Variants in DERA observed in about 807,000 individuals in gnomAD.
DERA encodes 2-deoxy-D-ribose 5-phosphate aldolase.
Under a neutral mutation model 41.1 loss-of-function variants are expected in DERA, and 15 were observed. That is an observed-to-expected ratio of 0.37 (90% CI 0.24 to 0.56). The LOEUF is 0.56. Ranked by LOEUF, DERA falls within the 20% of genes least tolerant of loss-of-function variation. DERA has a pLI of 0.81. For synonymous variants in DERA, 139 were observed against 137.4 expected, an observed-to-expected ratio of 1.01 and a Z score of -0.08; for missense variants, 396 against 403.4, an observed-to-expected ratio of 0.98 and a Z score of 0.16.
Position 16,032,649 on chromosome 12 carries a change from A to T in DERA, c.745A>T (p.Asn249Tyr). The change falls in exon 7 of 9, where the codon AAC becomes TAC. Residue 249 changes from asparagine (N) to tyrosine (Y), a missense_variant. Asn to Tyr is a moderately radical substitution (Grantham distance 143, BLOSUM62 -2). Transcript: ENST00000428559. The part of the protein sequence containing the change: ...AIRDFFWKTG[N>Y]KIGFKPAGGI... ...TAGAGATTTCTTCTGGAAAACTGGAAACAAGGTATATTATTGCCAGCAAAT... is the reference window on the plus strand; with the variant it reads ...TAGAGATTTCTTCTGGAAAACTGGATACAAGGTATATTATTGCCAGCAAAT... 3 of 1,539,730 alleles carry T rather than the reference A, an allele frequency of 1.9e-6. No individual in the cohort carries two copies.
intron 1 of DERA, among the ~76,000 whole-genome samples, chr12:15,917,930 C>T (rs1948212707): frequency 6.6e-6 from 1 of 152,182 alleles, no homozygotes; most frequent in Admixed American, 6.5e-5. Flanking sequence ...AGGCCCTCAG[C>T]TGGCAGAGCT....
At chr12:16,032,750 G>A (rs1015027775) in intron 7 of DERA, 96 bp downstream of exon 7, 20 of 771,276 alleles carry the variant, frequency 2.6e-5, no homozygotes, top group Non-Finnish European at 3.7e-5. Context: ...TGGAGAAGTT[G>A]TGAATGAATT....
intron 5 of DERA, among the ~76,000 whole-genome samples, chr12:15,963,935 G>T (rs1948605933): frequency 6.6e-6 from 1 of 152,086 alleles, no homozygotes; most frequent in African/African-American, 2.4e-5. Flanking sequence ...TGTCAATTAT[G>T]AATTGCTTTT....
At position 15,936,712 on chromosome 12, in the gene DERA, T is replaced by G. The variant is rs1382980850; in HGVS notation, c.32-20224T>G. ...ACTATGTATTTTATTCAGTTGTGTT[T>G]GTCTTCCTTTAGAGCAGAACTCCCT... On this transcript the variant is annotated intron_variant, in intron 1 of 8. Transcript: ENST00000428559. The surrounding 1 kb of genome is among the most constrained non-coding windows in gnomAD (Gnocchi z 4.6). Among the ~76,000 whole-genome samples the G allele has an allele frequency of 1.3e-5, 2 of 152,228 alleles. No individual in the cohort carries two copies. Among genetic ancestry groups the G allele is most frequent in the Non-Finnish European group, 2.9e-5 (2 of 68,028 alleles).
At position 15,938,787 on chromosome 12, in the gene DERA, C is replaced by T. The variant is rs1362285182; in HGVS notation, c.32-18149C>T. ...TAGTAAATATTTTTATAAGACAAAACTTGTCAAATAAGATGTTTCTGTTTA... is the reference window on the plus strand; with the variant it reads ...TAGTAAATATTTTTATAAGACAAAATTTGTCAAATAAGATGTTTCTGTTTA... On this transcript the variant is annotated intron_variant, in intron 1 of 8. Transcript: ENST00000428559. This position sits in a 1 kb window ranked among gnomAD's most constrained non-coding sequence, Gnocchi z 4.1. Among the ~76,000 whole-genome samples, 4 of 152,236 alleles carry T rather than the reference C, an allele frequency of 2.6e-5. No individual in the cohort carries two copies. In the South Asian group the frequency reaches 8.3e-4, roughly 32 times the overall value.
chr12:16,007,280 T>C lies in DERA; in HGVS notation c.637+24844T>C, dbSNP rs1236134329. ...CTCACTGCAACCTCCGCCTCCGGGG[T>C]TCAAGTGATTCTTGTGCCTCAGCCT... is the stretch of plus-strand genomic sequence containing the variant. On this transcript the variant is annotated intron_variant, in intron 6 of 8. Transcript: ENST00000428559. Among the ~76,000 whole-genome samples the C allele has an allele frequency of 2.0e-5, 3 of 149,046 alleles. No individual in the cohort carries two copies. The South Asian group carries it at 6.4e-4, about 32-fold the overall frequency.
chr12:15,974,131 G>A (rs1162085585), intron 5 of DERA, among the ~76,000 whole-genome samples: 1 of 152,074 alleles, frequency 6.6e-6, no homozygotes, highest in East Asian at 1.9e-4. Flanking sequence ...TTGCAGACCT[G>A]TTCACCTGTT....
At position 15,959,402 on chromosome 12, in the gene DERA, G is replaced by T. The variant is rs879448811; in HGVS notation, c.278-427G>T. Among the ~76,000 whole-genome samples the T allele has an allele frequency of 3.3e-5, 5 of 151,956 alleles. No individual in the cohort carries two copies. Among genetic ancestry groups the T allele is most frequent in the Non-Finnish European group, 5.9e-5 (4 of 67,990 alleles). On this transcript the variant is annotated intron_variant, in intron 3 of 8. Coordinates refer to ENST00000428559, the MANE Select transcript of DERA (RefSeq NM_015954.4). The surrounding 1 kb of genome is among the most constrained non-coding windows in gnomAD (Gnocchi z 4.5). ...GGATTAGTTAAATGTCATTTTTGTG[G>T]TACCACCCTCTAAATTGTACTTATA...
chr12:16,018,280 A>G (rs1948997006), intron 6 of DERA, among the ~76,000 whole-genome samples: 1 of 152,188 alleles, frequency 6.6e-6, no homozygotes, highest in African/African-American at 2.4e-5. Context: ...TGAAGCTAGT[A>G]ATTTTATTTT....
At chr12:15,934,849 T>C (rs780557198) in intron 1 of DERA, among the ~76,000 whole-genome samples, 9 of 152,174 alleles carry the variant, frequency 5.9e-5, no homozygotes, top group Non-Finnish European at 1.2e-4. Context: ...AGTACTTAAT[T>C]TCTGAAAAAT....
chr12:15,937,463 T>A (rs1948377017), intron 1 of DERA, among the ~76,000 whole-genome samples: 1 of 152,208 alleles, frequency 6.6e-6, no homozygotes, highest in South Asian at 2.1e-4. Flanking sequence ...AGTAGTATAG[T>A]TCCAGTTTCC....
chr12:15,944,017 TG>T (rs1948428126), intron 1 of DERA, among the ~76,000 whole-genome samples: 1 of 151,850 alleles, frequency 6.6e-6, no homozygotes, highest in African/African-American at 2.4e-5. Flanking sequence ...CTGAGAATGA[TG>T]GTTTCCAGCT....
chr12:15,930,997 A>T (rs1948323665), intron 1 of DERA, among the ~76,000 whole-genome samples: 1 of 152,148 alleles, frequency 6.6e-6, no homozygotes, highest in South Asian at 2.1e-4. Flanking sequence ...AAGTTCCATT[A>T]ATTGTTTCTT....
intron 6 of DERA, among the ~76,000 whole-genome samples, chr12:16,027,644 A>T (rs915810713): frequency 2.6e-5 from 4 of 152,222 alleles, no homozygotes; most frequent in African/African-American, 9.6e-5. Context: ...TAGAGTCTCC[A>T]CAGAGAGTAT....
Position 15,998,473 on chromosome 12 carries a change from A to G in DERA, c.637+16037A>G, listed in dbSNP as rs994873478. On this transcript the variant is annotated intron_variant, in intron 6 of 8. Coordinates refer to ENST00000428559, the MANE Select transcript of DERA (RefSeq NM_015954.4). This position sits in a 1 kb window ranked among gnomAD's most constrained non-coding sequence, Gnocchi z 4.8. ...GCTGAGATTACAGGCATCCACCACC[A>G]TGCCCGGCTAATTTTCTATTTTTAG... is the stretch of plus-strand genomic sequence containing the variant. Among the ~76,000 whole-genome samples, 4 of 152,026 alleles carry G rather than the reference A, an allele frequency of 2.6e-5. No individual in the cohort carries two copies. The highest frequency in any genetic ancestry group is 2.0e-4 in the Admixed American group (3 of 15,268).
intron 1 of DERA, among the ~76,000 whole-genome samples, chr12:15,934,055 T>G (rs963564686): frequency 2.0e-5 from 3 of 152,180 alleles, no homozygotes; most frequent in African/African-American, 7.2e-5. Context: ...GTAAAACAGC[T>G]AATAAAGTGC....
chr12:15,941,166 C>T lies in DERA; in HGVS notation c.32-15770C>T, dbSNP rs974288686. On this transcript the variant is annotated intron_variant, in intron 1 of 8. Transcript: ENST00000428559. The surrounding 1 kb of genome is among the most constrained non-coding windows in gnomAD (Gnocchi z 4.5). The stretch of plus-strand genomic sequence containing the variant: ...CTCTGCAAGGAACCTAGTGATTTCC[C>T]GTACATATTTCATGTTCACCTAATC... 2.0e-4 allele frequency among the ~76,000 whole-genome samples: 31 copies of T among 152,240 alleles called. No homozygotes were observed. Among genetic ancestry groups the T allele is most frequent in the Admixed American group, 5.9e-4 (9 of 15,286 alleles).
At chr12:16,022,008 T>C (rs1254994406) in intron 6 of DERA, among the ~76,000 whole-genome samples, 7 of 152,200 alleles carry the variant, frequency 4.6e-5, no homozygotes, top group Non-Finnish European at 1.5e-5. Flanking sequence ...TTACTGTGTT[T>C]TGCAATGTGA....
chr12:16,010,822 C>A lies in DERA; in HGVS notation c.638-21720C>A, dbSNP rs762634964. On this transcript the variant is annotated intron_variant, in intron 6 of 8. Coordinates refer to ENST00000428559, the MANE Select transcript of DERA (RefSeq NM_015954.4). The surrounding 1 kb of genome is among the most constrained non-coding windows in gnomAD (Gnocchi z 5.5). ...AATAATCACTTGGAGATAAGACTCCCCACAGAAAAATTAACACAACTTCTT... is the reference window on the plus strand; with the variant it reads ...AATAATCACTTGGAGATAAGACTCCACACAGAAAAATTAACACAACTTCTT... 2.0e-5 allele frequency among the ~76,000 whole-genome samples: 3 copies of A among 151,668 alleles called. No homozygotes were observed. Among genetic ancestry groups the A allele is most frequent in the Non-Finnish European group, 4.4e-5 (3 of 67,970 alleles).
Sources: allele counts gnomAD v4.1 joint callset (sites outside exome capture counted in the v4.1 genomes callset), GRCh38; gene constraint gnomAD v4.1.1; non-coding constraint Gnocchi (gnomAD v3.1); transcripts MANE v1.5; gene names NCBI Gene and HGNC (gene_info 2026-07-23, HGNC 2026-07-21).